Variants in TSPAN4 observed in about 807,000 individuals in gnomAD.
The protein encoded by TSPAN4 is tetraspanin 4, also known as tetraspanin-4.
In TSPAN4, 38 loss-of-function variants were observed where a neutral mutation model predicts 31.5. The ratio of observed to expected loss-of-function variants is 1.21; its 90% CI spans 0.93 to 1.58. The LOEUF (loss-of-function observed/expected upper bound fraction) is 1.58. Ranked by LOEUF, TSPAN4 falls within the 40% of genes most tolerant of loss-of-function variation. TSPAN4 has a pLI of 0.00. For synonymous variants in TSPAN4, 186 were observed against 144.6 expected (o/e 1.29, Z -2.06); for missense variants, 330 against 317.3 (o/e 1.04, Z -0.30).
chr11:851,544 G>T (rs952900837), intron 3 of TSPAN4, among the ~76,000 whole-genome samples: 10 of 152,146 alleles, frequency 6.6e-5, no homozygotes, highest in Admixed American at 4.6e-4. Context: ...GGGACAGCCA[G>T]CCTGGGTTGC....
intron 3 of TSPAN4, among the ~76,000 whole-genome samples, chr11:854,596 C>T (rs1235464021): frequency 6.6e-6 from 1 of 152,218 alleles, no homozygotes; most frequent in Non-Finnish European, 1.5e-5. Context: ...GCTGTCCTGG[C>T]TCTGCGCTGC....
intron 3 of TSPAN4, among the ~76,000 whole-genome samples, chr11:856,175 GC>G (rs1198618487): frequency 6.7e-6 from 1 of 149,842 alleles, no homozygotes; most frequent in Non-Finnish European, 1.5e-5. Context: ...CTGGGGGACG[GC>G]CCCCCGAGCC....
chr11:849,409 C>A (rs917578992), intron 2 of TSPAN4, among the ~76,000 whole-genome samples: 1 of 151,856 alleles, frequency 6.6e-6, no homozygotes, highest in African/African-American at 2.4e-5. Context: ...CAGACAGCAA[C>A]GGGGTCACCC....
rs369027951 is a variant in TSPAN4 at position 865,749 on chromosome 11, C to A, written c.488C>A (p.Thr163Lys). Residue 163 changes from threonine to lysine, a missense_variant, in exon 7 of 9, where the codon ACG becomes AAG. Physicochemically the swap from Thr to Lys is moderately conservative, Grantham distance 78. Coordinates refer to ENST00000397397, the MANE Select transcript of TSPAN4 (RefSeq NM_003271.5). ...YTDWFEVYNA[T>K]RVPDSCCLEF... is the part of the protein sequence containing the mutation. ...GACTGGTTCGAGGTGTACAACGCCA[C>A]GCGGGTACCTGACTCCTGCTGCTTG... is the stretch of plus-strand genomic sequence containing the variant. 3.1e-6 allele frequency: 5 copies of A among 1,613,084 alleles called. No homozygotes were observed. Among genetic ancestry groups the A allele is most frequent in the Non-Finnish European group, 4.2e-6 (5 of 1,179,892 alleles).
chr11:866,593 A>C lies in TSPAN4; in HGVS notation c.680A>C (p.Tyr227Ser). Reference protein sequence around the residue: ...ILGLTFAMTMYCQVVKADTYC... With the variant: ...ILGLTFAMTMSCQVVKADTYC... ...GGCCTGACCTTCGCCATGACCATGT[A>C]CTGCCAAGTGGTCAAGGCAGACACC... Residue 227 changes from tyrosine (Y) to serine (S), a missense_variant, in exon 9 of 9, where the codon TAC (tyrosine) becomes TCC (serine). Transcript: ENST00000397397. 6.2e-7 allele frequency: 1 copy of C among 1,613,440 alleles called. No homozygotes were observed. Among genetic ancestry groups the C allele is most frequent in the South Asian group, 1.1e-5 (1 of 91,070 alleles).
At chr11:845,580 GGGGCCA>G (rs1847273282) in intron 1 of TSPAN4, among the ~76,000 whole-genome samples, 2 of 152,280 alleles carry the variant, frequency 1.3e-5, no homozygotes, top group East Asian at 1.9e-4. Context: ...CTAGGTTGCA[GGGGCCA>G]GGGCCAGGGC....
chr11:848,754 C>T lies in TSPAN4; in HGVS notation c.-18+1454C>T, dbSNP rs1847457289. On this transcript the variant is annotated intron_variant, in intron 2 of 8. Transcript: ENST00000397397. This position sits in a 1 kb window ranked among gnomAD's most constrained non-coding sequence, Gnocchi z 5.7. ...ATCTGCCAGGAATCTGGGCCACGTGCTGATATCTTCCCAACACCGCAGGGC... is the reference window on the plus strand; with the variant it reads ...ATCTGCCAGGAATCTGGGCCACGTGTTGATATCTTCCCAACACCGCAGGGC... 1.9e-6 allele frequency: 1 copy of T among 515,722 alleles called. No homozygotes were observed. Among genetic ancestry groups the T allele is most frequent in the Admixed American group, 3.7e-5 (1 of 26,990 alleles). The allele number at this position is 515,722 out of a possible 1,614,324, so 31.9% of individuals were successfully genotyped here.
chr11:865,660 T>G, intron 6 of TSPAN4, 34 bp from the exon 7 acceptor site: 1 of 1,609,366 alleles, frequency 6.2e-7, no homozygotes, highest in Non-Finnish European at 8.5e-7. Context: ...CCCCCTCCCC[T>G]CCTGCCTCAG....
Position 866,601 on chromosome 11 carries a change from G to T in TSPAN4, c.688G>T (p.Val230Leu). Reference protein sequence around the residue: ...LTFAMTMYCQVVKADTYCA With the variant: ...LTFAMTMYCQLVKADTYCA ...CTTCGCCATGACCATGTACTGCCAA[G>T]TGGTCAAGGCAGACACCTACTGCGC... The change falls in exon 9 of 9, where the codon GTG (valine) becomes TTG (leucine). Residue 230 changes from valine to leucine, a missense_variant. Coordinates refer to ENST00000397397, the MANE Select transcript of TSPAN4 (RefSeq NM_003271.5). The T allele has an allele frequency of 6.2e-7, 1 of 1,613,424 alleles. No homozygotes were observed. Among genetic ancestry groups the T allele is most frequent in the Non-Finnish European group, 8.5e-7 (1 of 1,179,826 alleles).
intron 3 of TSPAN4, chr11:857,408 T>TTTG (rs1848117281): frequency 7.1e-6 from 1 of 141,612 alleles, no homozygotes; most frequent in African/African-American, 2.6e-5. Flanking sequence ...GGGTTTTTTT[T>TTTG]TTTTTTTTTT....
At chr11:860,246 AG>A (rs1223776009) in intron 3 of TSPAN4, among the ~76,000 whole-genome samples, 10 of 152,058 alleles carry the variant, frequency 6.6e-5, no homozygotes, top group Non-Finnish European at 1.3e-4. Flanking sequence ...ATCTGCTCTG[AG>A]GGGATTTTAC....
intron 8 of TSPAN4, among the ~76,000 whole-genome samples, 175 bp downstream of exon 8, chr11:866,176 C>A (rs1589801007): frequency 6.6e-6 from 1 of 152,252 alleles, no homozygotes; most frequent in East Asian, 1.9e-4. Flanking sequence ...GGACAGTGGG[C>A]TCCCTCTTAG....
At chr11:854,891 T>C (rs1847961996) in intron 3 of TSPAN4, among the ~76,000 whole-genome samples, 1 of 152,202 alleles carries the variant, frequency 6.6e-6, no homozygotes, top group African/African-American at 2.4e-5. Flanking sequence ...GGCCTCTCTT[T>C]GAGGAGTTTA....
intron 3 of TSPAN4, among the ~76,000 whole-genome samples, chr11:850,621 C>CCTCTT (rs1217812425): frequency 2.0e-5 from 3 of 152,144 alleles, no homozygotes; most frequent in African/African-American, 4.8e-5. Context: ...CCTCTCCTCT[C>CCTCTT]CTCTCCTCTC....
chr11:860,752 C>G (rs1469002767), intron 3 of TSPAN4, among the ~76,000 whole-genome samples: 1 of 152,182 alleles, frequency 6.6e-6, no homozygotes, highest in African/African-American at 2.4e-5. Context: ...AGCCTGGGGT[C>G]TGAGCCTGTC....
rs1241193113 is a variant in TSPAN4 at position 848,920 on chromosome 11, T to A, written c.-17-1368T>A. 1 of 714,142 alleles carries A rather than the reference T, an allele frequency of 1.4e-6. No individual in the cohort carries two copies. Among genetic ancestry groups the A allele is most frequent in the Admixed American group, 2.0e-5 (1 of 49,496 alleles). The allele number at this position is 714,142 out of a possible 1,614,324, so 44.2% of individuals were successfully genotyped here. ...TGACACCCAGGAGTGCAGGCACATC[T>A]GCGCACGGGGCCGGTATGTCTGTAC... On this transcript the variant is annotated intron_variant, in intron 2 of 8. Coordinates refer to ENST00000397397, the MANE Select transcript of TSPAN4 (RefSeq NM_003271.5). The surrounding 1 kb of genome is among the most constrained non-coding windows in gnomAD (Gnocchi z 5.7).
chr11:849,714 G>C (rs1387679373), intron 2 of TSPAN4: 1 of 151,110 alleles, frequency 6.6e-6, no homozygotes, highest in Non-Finnish European at 1.5e-5. Context: ...GTCCGCCCAG[G>C]CGGAGCGCTG....
Position 862,205 on chromosome 11 carries a change from G to C in TSPAN4, c.64-345G>C, listed in dbSNP as rs144867013. ...CAGACGGTGAAGCGGGGTTAGGGGT[G>C]TGCAGACTGCGTCCTGGGGCCTAAG... On this transcript the variant is annotated intron_variant, in intron 3 of 8. Coordinates refer to ENST00000397397, the MANE Select transcript of TSPAN4 (RefSeq NM_003271.5). The C allele has an allele frequency of 2.2e-3, 684 of 308,438 alleles. 5 individuals are homozygous for C. Among genetic ancestry groups the C allele is most frequent in the Non-Finnish European group, 3.3e-3 (561 of 167,740 alleles). 19.1% of individuals were successfully genotyped at this position (308,438 alleles called of 1,614,324 possible).
chr11:850,564 C>G (rs1847623224), intron 3 of TSPAN4, among the ~76,000 whole-genome samples, 197 bp downstream of exon 3: 1 of 152,194 alleles, frequency 6.6e-6, no homozygotes, highest in South Asian at 2.1e-4. Flanking sequence ...TGCACCATCG[C>G]GGGGTCCGCC....
Sources: gnomAD v4.1 joint callset for allele counts (sites outside exome capture counted in the v4.1 genomes callset) on GRCh38, gnomAD v4.1.1 for gene constraint, Gnocchi (gnomAD v3.1) non-coding constraint, MANE v1.5 for transcripts, NCBI Gene and HGNC (gene_info 2026-07-23, HGNC 2026-07-21) for gene names.